PC: variants seen among roughly 807,000 people sequenced by gnomAD.
The protein encoded by PC is pyruvate carboxylase.
A neutral mutation model predicts 107.8 loss-of-function variants in PC; 46 were observed. The observed-to-expected ratio is 0.43, with a 90% CI of 0.34 to 0.55. The LOEUF (loss-of-function observed/expected upper bound fraction) is 0.55. PC is among the 20% of genes least tolerant of loss of function. The probability of loss-of-function intolerance (pLI) is 0.04; values close to 1 mark genes in which losing one functional copy is unlikely to be tolerated. For synonymous variants in PC, 662 were observed against 684.7 expected (o/e 0.97, Z 0.52); for missense variants, 1,241 against 1,643.1 (o/e 0.76, Z 4.23).
intron 3 of PC, among the ~76,000 whole-genome samples, chr11:66,908,677 C>T (rs1467976186): frequency 2.0e-5 from 3 of 152,086 alleles, no homozygotes; most frequent in African/African-American, 7.2e-5. Flanking sequence ...GCTAATTGGT[C>T]GGAGGTCTTG....
At position 66,858,733 on chromosome 11, in the gene PC, C is replaced by T. The variant is rs1946041567; in HGVS notation, c.1368+5041G>A. On this transcript the variant is annotated intron_variant, in intron 12 of 22. Coordinates refer to ENST00000393960, the MANE Select transcript of PC (RefSeq NM_001040716.2). This position sits in a 1 kb window ranked among gnomAD's most constrained non-coding sequence, Gnocchi z 5.9. ...GTTGGCAACTCCTCCCGAGCCCGGG[C>T]TTTCCCCAACGGGACCTTAGAGATT... The T allele has an allele frequency of 1.9e-6, 3 of 1,553,640 alleles. No homozygotes were observed. The highest frequency in any genetic ancestry group is 1.4e-5 in the African/African-American group (1 of 73,614).
At chr11:66,868,525 G>A (rs569447717) in intron 10 of PC, among the ~76,000 whole-genome samples, 1 of 152,272 alleles carries the variant, frequency 6.6e-6, no homozygotes, top group African/African-American at 2.4e-5. Context: ...GTGTGACCCC[G>A]AGCAACTCTC....
At position 66,870,939 on chromosome 11, in the gene PC, T is replaced by C; in HGVS notation, c.634-47A>G. On this transcript the variant is annotated intron_variant, in intron 7 of 22. Coordinates refer to ENST00000393960, the MANE Select transcript of PC (RefSeq NM_001040716.2). The surrounding 1 kb of genome is among the most constrained non-coding windows in gnomAD (Gnocchi z 6.1). ...AGCCAGACCTCAGACCCCACAGCGC[T>C]ACCTCTCCCCTGCCATGAACCCCAC... is the stretch of plus-strand genomic sequence containing the variant. The C allele has an allele frequency of 6.2e-7, 1 of 1,603,204 alleles. No homozygotes were observed. The highest frequency in any genetic ancestry group is 8.5e-7 in the Non-Finnish European group (1 of 1,173,116).
In PC at chr11:66,857,728, C is replaced by G; in HGVS notation, c.1369-4345G>C. ...ACCTGTGCCTGGGCTGTGGCCCCTT[C>G]CTACAGGGCGCTCACCATGGCCCCG... is the stretch of plus-strand genomic sequence containing the variant. On this transcript the variant is annotated intron_variant, in intron 12 of 22. Coordinates refer to ENST00000393960, the MANE Select transcript of PC (RefSeq NM_001040716.2). This position sits in a 1 kb window ranked among gnomAD's most constrained non-coding sequence, Gnocchi z 7.1. 1 of 1,580,454 alleles carries G rather than the reference C, an allele frequency of 6.3e-7. No homozygotes were observed. Among genetic ancestry groups the G allele is most frequent in the Non-Finnish European group, 8.6e-7 (1 of 1,169,004 alleles).
intron 3 of PC, among the ~76,000 whole-genome samples, chr11:66,895,455 T>C (rs569172955): frequency 6.6e-6 from 1 of 152,206 alleles, no homozygotes; most frequent in East Asian, 1.9e-4. Flanking sequence ...AGAAAGCAAT[T>C]TGGAGGAAAC....
At chr11:66,868,081 A>T (rs1946569991) in intron 10 of PC, among the ~76,000 whole-genome samples, 1 of 152,256 alleles carries the variant, frequency 6.6e-6, no homozygotes, top group Admixed American at 6.5e-5. Context: ...CAGTGCCTGC[A>T]GGGAGCACGC....
At position 66,901,684 on chromosome 11, in the gene PC, G is replaced by A. The variant is rs142554914; in HGVS notation, c.1-29525C>T. On this transcript the variant is annotated intron_variant, in intron 3 of 22. Coordinates refer to ENST00000393960, the MANE Select transcript of PC (RefSeq NM_001040716.2). ...GATGGGGTTTTGCCATGTTGGCCAG[G>A]CTGGTCTTGAACTCTTGACTTCAGG... 5.3e-3 allele frequency among the ~76,000 whole-genome samples: 802 copies of A among 152,168 alleles called. 5 individuals are homozygous for A. Among genetic ancestry groups the A allele is most frequent in the African/African-American group, 0.018 (757 of 41,500 alleles).
intron 3 of PC, among the ~76,000 whole-genome samples, chr11:66,947,630 G>C (rs986298070): frequency 2.0e-5 from 3 of 152,010 alleles, no homozygotes; most frequent in Non-Finnish European, 4.4e-5. Flanking sequence ...GGAGGCCAAG[G>C]TGGAAAGTGG....
At chr11:66,912,944 G>C (rs534664972) in intron 3 of PC, among the ~76,000 whole-genome samples, 1 of 152,252 alleles carries the variant, frequency 6.6e-6, no homozygotes, top group East Asian at 1.9e-4. Flanking sequence ...TCACTGGGTA[G>C]GGAAGGCTCC....
intron 3 of PC, among the ~76,000 whole-genome samples, chr11:66,890,246 G>GCCCT (rs1947519053): frequency 6.6e-6 from 1 of 152,180 alleles, no homozygotes; most frequent in African/African-American, 2.4e-5. Context: ...CGGGCAGTGG[G>GCCCT]CCCTCACCAG....
At position 66,924,758 on chromosome 11, in the gene PC, C is replaced by T. The variant is rs1013175829; in HGVS notation, c.-1+27672G>A. On this transcript the variant is annotated intron_variant, in intron 3 of 22. Coordinates refer to ENST00000393960, the MANE Select transcript of PC (RefSeq NM_001040716.2). ...TTACAGGCCTTGTGAGCCACTGAGC[C>T]TAGCCTATTATTCCTTCTTATTTGC... Among the ~76,000 whole-genome samples the T allele has an allele frequency of 4.6e-5, 7 of 152,202 alleles. No individual in the cohort carries two copies. In the South Asian group the frequency reaches 1.0e-3, roughly 22 times the overall value.
At chr11:66,849,565 G>T in intron 21 of PC, 46 bp downstream of exon 21, 1 of 1,613,634 alleles carries the variant, frequency 6.2e-7, no homozygotes, top group South Asian at 1.1e-5. Flanking sequence ...AGAGCTCTGG[G>T]GCAGGGGGCC....
chr11:66,868,525 G>T (rs569447717), intron 10 of PC, among the ~76,000 whole-genome samples: 12 of 152,154 alleles, frequency 7.9e-5, no homozygotes, highest in Non-Finnish European at 1.6e-4. Flanking sequence ...GTGTGACCCC[G>T]AGCAACTCTC....
At chr11:66,865,822 C>T (rs900567016) in intron 11 of PC, among the ~76,000 whole-genome samples, 8 of 152,156 alleles carry the variant, frequency 5.3e-5, no homozygotes, top group African/African-American at 1.9e-4. Flanking sequence ...TCAGCCCATC[C>T]CTCAGATGGG....
intron 3 of PC, among the ~76,000 whole-genome samples, chr11:66,894,394 C>A (rs1175050099): frequency 3.9e-5 from 6 of 152,244 alleles, no homozygotes; most frequent in Non-Finnish European, 5.9e-5. Flanking sequence ...TTTGCCCATG[C>A]AAGTCCTGCT....
Position 66,852,819 on chromosome 11 carries a change from C to T in PC, c.1531G>A (p.Gly511Ser), listed in dbSNP as rs1422270107. The T allele has an allele frequency of 1.9e-6, 3 of 1,575,886 alleles. No homozygotes were observed. The highest frequency in any genetic ancestry group is 2.6e-6 in the Non-Finnish European group (3 of 1,157,380). Residue 511 changes from glycine (G) to serine (S), a missense_variant, in exon 14 of 23, where the codon GGT becomes AGT. By Grantham distance (56) the Gly-to-Ser change is moderately conservative. Coordinates refer to ENST00000393960, the MANE Select transcript of PC (RefSeq NM_001040716.2). The surrounding 1 kb of genome is among the most constrained non-coding windows in gnomAD (Gnocchi z 4.7). ...LHYLGHVMVN[G>S]PTTPIPVKAS... ...TTGACGGGAATCGGGGTGGTTGGAC[C>T]GTTTACCATGACATGGCCTGGGGAG...
chr11:66,941,772 G>A, intron 3 of PC, among the ~76,000 whole-genome samples: 1 of 151,944 alleles, frequency 6.6e-6, no homozygotes, highest in Non-Finnish European at 1.5e-5. Flanking sequence ...GATTACAGGT[G>A]TGAGCCATCA....
At chr11:66,940,168 A>C (rs1193367754) in intron 3 of PC, among the ~76,000 whole-genome samples, 5 of 151,906 alleles carry the variant, frequency 3.3e-5, no homozygotes, top group Admixed American at 6.6e-5. Flanking sequence ...ATAAGGGATT[A>C]ATATCGAGAA....
intron 18 of PC, 65 bp from the exon 19 acceptor site, chr11:66,850,529 G>C (rs1351111875): frequency 6.2e-7 from 1 of 1,610,500 alleles, no homozygotes; most frequent in African/African-American, 1.3e-5. Flanking sequence ...CCCAGGGCTA[G>C]CTCAGGTCCC....
Sources: gnomAD v4.1 joint callset for allele counts (sites outside exome capture counted in the v4.1 genomes callset) on GRCh38, gnomAD v4.1.1 for gene constraint, Gnocchi (gnomAD v3.1) non-coding constraint, MANE v1.5 for transcripts, NCBI Gene and HGNC (gene_info 2026-07-23, HGNC 2026-07-21) for gene names.